Variants in B3GAT1 observed in about 807,000 individuals in gnomAD.
B3GAT1 encodes the protein beta-1,3-glucuronyltransferase 1, also known as galactosylgalactosylxylosylprotein 3-beta-glucuronosyltransferase 1.
A neutral mutation model predicts 28.4 loss-of-function variants in B3GAT1; 11 were observed. The observed-to-expected ratio is 0.39, with a 90% CI of 0.24 to 0.64. The LOEUF (loss-of-function observed/expected upper bound fraction) is 0.64. Ranked by LOEUF, B3GAT1 falls within the 30% of genes least tolerant of loss-of-function variation. B3GAT1 has a pLI of 0.50. For missense variants in B3GAT1, 375 were observed against 491.0 expected, an observed-to-expected ratio of 0.76 and a Z score of 2.23; for synonymous variants, 255 against 223.1, an observed-to-expected ratio of 1.14 and a Z score of -1.27.
At chr11:134,394,124 G>A (rs1944460686) in intron 1 of B3GAT1, among the ~76,000 whole-genome samples, 1 of 152,188 alleles carries the variant, frequency 6.6e-6, no homozygotes, top group Admixed American at 6.5e-5. Flanking sequence ...CACCATATAG[G>A]AGCCACTTTC....
intron 1 of B3GAT1, among the ~76,000 whole-genome samples, chr11:134,402,799 G>A (rs1459153050): frequency 6.6e-6 from 1 of 152,036 alleles, no homozygotes; most frequent in African/African-American, 2.4e-5. Flanking sequence ...TATAATCCCA[G>A]CTACTGGGGA....
intron 4 of B3GAT1, among the ~76,000 whole-genome samples, chr11:134,382,303 C>T (rs760393043): frequency 6.6e-5 from 6 of 91,406 alleles, no homozygotes; most frequent in Non-Finnish European, 1.6e-4. Context: ...CCAAGACTTC[C>T]CAAGTGTGTG....
Position 134,382,767 on chromosome 11 carries a change from G to T in B3GAT1, c.861C>A (p.Leu287=). Residue 287 remains leucine, a synonymous_variant, in exon 4 of 6, where the codon CTC becomes CTA. Coordinates refer to ENST00000312527, the MANE Select transcript of B3GAT1 (RefSeq NM_054025.3). ...CGTTGAGGGTGACAAGTTCTCGAAG[G>T]AGGCTGCTTTCCTGGTAGCCTCCCT... ...GVKGGYQESS[L]LRELVTLNDL... The T allele has an allele frequency of 6.2e-7, 1 of 1,614,184 alleles. No homozygotes were observed. The highest frequency in any genetic ancestry group is 8.5e-7 in the Non-Finnish European group (1 of 1,180,018).
At chr11:134,404,736 T>C (rs1591651142) in intron 1 of B3GAT1, among the ~76,000 whole-genome samples, 1 of 152,174 alleles carries the variant, frequency 6.6e-6, no homozygotes, top group South Asian at 2.1e-4. Flanking sequence ...TCCTCAGGCC[T>C]GGGGAGCCGC....
rs1487646238 is a variant in B3GAT1 at position 134,379,792 on chromosome 11, CACCCACCGCCTTGCCCACT to C, written c.*951_*969del. 6.5e-6 allele frequency: 1 copy of C among 152,706 alleles called. No individual in the cohort carries two copies. Among genetic ancestry groups the C allele is most frequent in the Non-Finnish European group, 1.5e-5 (1 of 68,312 alleles). The allele number at this position is 152,706 out of a possible 1,614,324, so 9.5% of individuals were successfully genotyped here. A position where few individuals can be genotyped will look rare whatever the true frequency, so the allele number is the denominator to read the frequency against. ...CTGCAGGAGGTCCCACCTTGCCCAC[CACCCACCGCCTTGCCCACT>C]GCCCACCATGGGCTCACTCCACCCT... is the stretch of plus-strand genomic sequence containing the variant. On this transcript the variant is annotated 3_prime_UTR_variant, in exon 6 of 6. Transcript: ENST00000312527.
Position 134,379,997 on chromosome 11 carries a change from C to T in B3GAT1, c.*765G>A, listed in dbSNP as rs901945052. The T allele has an allele frequency of 6.5e-6, 1 of 152,824 alleles. No individual in the cohort carries two copies. Among genetic ancestry groups the T allele is most frequent in the Non-Finnish European group, 1.5e-5 (1 of 68,200 alleles). The allele number at this position is 152,824 out of a possible 1,614,324, so 9.5% of individuals were successfully genotyped here. On this transcript the variant is annotated 3_prime_UTR_variant, in exon 6 of 6. Transcript: ENST00000312527. ...GGTCAGGCAGTGACCTGTGCTGGCT[C>T]TAGAGCCTACCCCTTTGCCACTGCT...
intron 1 of B3GAT1, among the ~76,000 whole-genome samples, chr11:134,398,171 G>T (rs1565456835): frequency 6.6e-6 from 1 of 152,340 alleles, no homozygotes; most frequent in South Asian, 2.1e-4. Context: ...ATGTGCATGC[G>T]TGTGTGCATG....
Position 134,383,589 on chromosome 11 carries a change from G to A in B3GAT1, c.621+91C>T, listed in dbSNP as rs1401875582. Reference sequence around the variant, plus strand: ...GCCCGGCTTCCCGGGTTCCCCCTGCGCGCGCCTCCGCACCCACACCCCCTT... The same window carrying A: ...GCCCGGCTTCCCGGGTTCCCCCTGCACGCGCCTCCGCACCCACACCCCCTT... On this transcript the variant is annotated intron_variant, in intron 3 of 5. Transcript: ENST00000312527. 8.5e-6 allele frequency: 12 copies of A among 1,417,324 alleles called. No homozygotes were observed. The South Asian group carries it at 1.2e-4, about 14-fold the overall frequency. 87.8% of individuals were successfully genotyped at this position (1,417,324 alleles called of 1,614,324 possible).
chr11:134,409,234 C>T (rs149812084), intron 1 of B3GAT1, among the ~76,000 whole-genome samples: 1,669 of 152,266 alleles, frequency 0.011, 11 homozygotes, highest in Non-Finnish European at 0.017. Flanking sequence ...GACAGCCTGG[C>T]CAAGGGCCTG....
At chr11:134,388,996 G>C (rs1944354625) in intron 1 of B3GAT1, 1 of 152,218 alleles carries the variant, frequency 6.6e-6, no homozygotes, top group Non-Finnish European at 1.5e-5. Context: ...TGGCTAGAAT[G>C]GCAGCTCTGT....
rs1944854671 is a variant in B3GAT1, at chr11:134,411,564, G to C, written c.-282+243C>G. On this transcript the variant is annotated intron_variant, in intron 1 of 5. Coordinates refer to ENST00000312527, the MANE Select transcript of B3GAT1 (RefSeq NM_054025.3). This position sits in a 1 kb window ranked among gnomAD's most constrained non-coding sequence, Gnocchi z 6.0. ...AGCTCTTCCCCTAATCCCGGTCGAC[G>C]AGGGCAGGCTGTGCCGGGTTTTGTT... 6.6e-6 allele frequency among the ~76,000 whole-genome samples: 1 copy of C among 152,114 alleles called. No homozygotes were observed. The highest frequency in any genetic ancestry group is 2.1e-4 in the South Asian group (1 of 4,828).
chr11:134,382,169 T>C (rs1459228423), intron 4 of B3GAT1, 145 bp from the exon 5 acceptor site: 10 of 687,044 alleles, frequency 1.5e-5, no homozygotes, highest in Non-Finnish European at 2.0e-5. Context: ...CAAGATTTTC[T>C]CAATTGTTTT....
rs1944445563 is a variant in B3GAT1 at position 134,393,290 on chromosome 11, C to T, written c.-281-5350G>A. On this transcript the variant is annotated intron_variant, in intron 1 of 5. Transcript: ENST00000312527. This position sits in a 1 kb window ranked among gnomAD's most constrained non-coding sequence, Gnocchi z 4.0. ...AAGTAACTCGCAGAGCCAGTTGTCC[C>T]ATAGATGATGTTTCCCCAGGACTGC... is the stretch of plus-strand genomic sequence containing the variant. 6.6e-6 allele frequency among the ~76,000 whole-genome samples: 1 copy of T among 152,168 alleles called. No individual in the cohort carries two copies. Among genetic ancestry groups the T allele is most frequent in the South Asian group, 2.1e-4 (1 of 4,834 alleles).
intron 1 of B3GAT1, among the ~76,000 whole-genome samples, chr11:134,404,019 ATATATATATATT>A (rs1456767652): frequency 9.7e-5 from 11 of 113,592 alleles, no homozygotes; most frequent in African/African-American, 3.2e-4. Context: ...ATATATATAT[ATATATATATATT>A]TATTATACGT....
chr11:134,394,480 G>A (rs951389295), intron 1 of B3GAT1, among the ~76,000 whole-genome samples: 1 of 152,114 alleles, frequency 6.6e-6, no homozygotes, highest in African/African-American at 2.4e-5. Context: ...CCACCCTCGT[G>A]CCCACCCACT....
chr11:134,410,673 G>A (rs974297606), intron 1 of B3GAT1, among the ~76,000 whole-genome samples: 17 of 152,230 alleles, frequency 1.1e-4, no homozygotes, highest in African/African-American at 4.1e-4. Context: ...GGCGACATAA[G>A]CACAGAAGAC....
In B3GAT1 at chr11:134,380,481, CTGGAGCACCAGCT is replaced by C. The variant is rs1944099336; in HGVS notation, c.*268_*280del. 2 of 152,614 alleles carry C rather than the reference CTGGAGCACCAGCT, an allele frequency of 1.3e-5. No individual in the cohort carries two copies. The highest frequency in any genetic ancestry group is 1.3e-4 in the Admixed American group (2 of 15,288). 9.5% of individuals were successfully genotyped at this position (152,614 alleles called of 1,614,324 possible). On this transcript the variant is annotated 3_prime_UTR_variant, in exon 6 of 6. Coordinates refer to ENST00000312527, the MANE Select transcript of B3GAT1 (RefSeq NM_054025.3). The stretch of plus-strand genomic sequence containing the variant: ...GTGCGGGGAGCTCTGGGGAGGTGCG[CTGGAGCACCAGCT>C]TGGCTGGTGCTGGACACCCCACCCT...
intron 1 of B3GAT1, among the ~76,000 whole-genome samples, chr11:134,395,215 C>G (rs116715560): frequency 2.0e-5 from 3 of 152,012 alleles, no homozygotes; most frequent in Non-Finnish European, 4.4e-5. Context: ...CGCCCGGGGG[C>G]GGGTGGGGAA....
At chr11:134,395,190 C>T (rs1371400062) in intron 1 of B3GAT1, among the ~76,000 whole-genome samples, 1 of 149,090 alleles carries the variant, frequency 6.7e-6, no homozygotes, top group East Asian at 1.9e-4. Context: ...CTTGCTGCTG[C>T]TCTCTGCTGG....
Sources: allele counts gnomAD v4.1 joint callset (sites outside exome capture counted in the v4.1 genomes callset), GRCh38; gene constraint gnomAD v4.1.1; non-coding constraint Gnocchi (gnomAD v3.1); transcripts MANE v1.5; gene names NCBI Gene and HGNC (gene_info 2026-07-23, HGNC 2026-07-21).